The following BMP2K variants were observed in gnomAD, a reference collection of about 807,000 sequenced individuals.
BMP2K encodes the protein BMP-2-inducible protein kinase.
A neutral mutation model predicts 116.0 loss-of-function variants in BMP2K; 74 were observed. That is an observed-to-expected ratio of 0.64 (90% CI 0.53 to 0.77). The LOEUF is 0.77. Ranked by LOEUF, BMP2K falls within the 30% of genes least tolerant of loss-of-function variation. BMP2K has a pLI of 0.00. For missense variants in BMP2K, 1,365 were observed against 1,403.6 expected (o/e 0.97, Z 0.44); for synonymous variants, 486 against 502.5 (o/e 0.97, Z 0.44).
At chr4:78,779,685 T>G (rs552984037) in intron 1 of BMP2K, among the ~76,000 whole-genome samples, 3 of 152,214 alleles carry the variant, frequency 2.0e-5, no homozygotes, top group Non-Finnish European at 2.9e-5. Context: ...CAACCTTTGT[T>G]ATAGGTAGAT....
chr4:78,804,093 C>T (rs887677039), intron 1 of BMP2K, among the ~76,000 whole-genome samples: 16 of 152,134 alleles, frequency 1.1e-4, no homozygotes, highest in African/African-American at 3.9e-4. Context: ...CAAAGAAACC[C>T]GGTAGTCATT....
At chr4:78,847,054 T>C (rs943103308) in intron 5 of BMP2K, 134 bp from the exon 6 acceptor site, 3 of 368,450 alleles carry the variant, frequency 8.1e-6, no homozygotes, top group African/African-American at 2.1e-5. Flanking sequence ...TTTTTAAAAA[T>C]AGTATTACTC....
intron 1 of BMP2K, among the ~76,000 whole-genome samples, chr4:78,785,897 A>G (rs1376766088): frequency 2.0e-5 from 3 of 152,150 alleles, no homozygotes; most frequent in Non-Finnish European, 4.4e-5. Flanking sequence ...AAATGGACTT[A>G]TGCTCATGTC....
intron 15 of BMP2K, among the ~76,000 whole-genome samples, chr4:78,907,091 T>C (rs900237366): frequency 6.6e-6 from 1 of 152,204 alleles, no homozygotes; most frequent in Non-Finnish European, 1.5e-5. Flanking sequence ...AGAAACAACC[T>C]AAATATTCTA....
intron 9 of BMP2K, among the ~76,000 whole-genome samples, chr4:78,862,739 CTTATT>C (rs1298547903): frequency 6.6e-6 from 1 of 152,030 alleles, no homozygotes; most frequent in Non-Finnish European, 1.5e-5. Flanking sequence ...TTGCGAATGA[CTTATT>C]TTAAAAAATG....
chr4:78,881,790 C>T (rs1453930316), intron 14 of BMP2K, among the ~76,000 whole-genome samples: 1 of 151,678 alleles, frequency 6.6e-6, no homozygotes, highest in Admixed American at 6.6e-5. Context: ...TTTTTGAATT[C>T]TGAAATAGTG....
At chr4:78,796,249 A>C (rs1277361911) in intron 1 of BMP2K, among the ~76,000 whole-genome samples, 1 of 152,054 alleles carries the variant, frequency 6.6e-6, no homozygotes, top group Admixed American at 6.6e-5. Context: ...ACATGGATGA[A>C]ATTGGAAATC....
At chr4:78,793,431 A>ATT (rs1490137767) in intron 1 of BMP2K, among the ~76,000 whole-genome samples, 1 of 150,782 alleles carries the variant, frequency 6.6e-6, no homozygotes, top group Non-Finnish European at 1.5e-5. Context: ...AAAAATTAAA[A>ATT]AAAAAGTTAT....
chr4:78,902,976 T>C lies in BMP2K; in HGVS notation c.2063-7634T>C, dbSNP rs149970605. On this transcript the variant is annotated intron_variant, in intron 15 of 15. Coordinates refer to ENST00000502613, the MANE Select transcript of BMP2K (RefSeq NM_198892.2). ...TGTTTAAAAAATGCTATAACAAATA[T>C]ATGAAAATGTAGCCTAAGAAATGTT... Among the ~76,000 whole-genome samples the C allele has an allele frequency of 5.7e-4, 87 of 152,238 alleles. 4 individuals are homozygous for C. In the East Asian group the frequency reaches 9.8e-3, roughly 17 times the overall value.
chr4:78,860,830 G>T (rs1731741253), intron 8 of BMP2K, among the ~76,000 whole-genome samples: 1 of 91,832 alleles, frequency 1.1e-5, no homozygotes, highest in South Asian at 3.2e-4. Context: ...TCTTTTCTCT[G>T]TTGAAGCTGA....
intron 1 of BMP2K, among the ~76,000 whole-genome samples, chr4:78,789,582 T>C (rs988944084): frequency 7.9e-5 from 12 of 152,210 alleles, no homozygotes; most frequent in Admixed American, 6.5e-5. Flanking sequence ...TCAAATATTT[T>C]TGCTTGAATT....
chr4:78,847,140 TTATA>T (rs146999088), intron 5 of BMP2K, 44 bp from the exon 6 acceptor site: 309 of 954,804 alleles, frequency 3.2e-4, no homozygotes, highest in South Asian at 8.5e-4. Flanking sequence ...TGTCTTTTTT[TTATA>T]TATATATATA....
rs868804590 is a variant in BMP2K at position 78,911,701 on chromosome 4, G to A, written c.3154G>A (p.Gly1052Arg). 3.7e-6 allele frequency: 6 copies of A among 1,613,772 alleles called. No individual in the cohort carries two copies. In the African/African-American group the frequency reaches 6.7e-5, roughly 18 times the overall value. The change falls in exon 16 of 16, where the codon GGG becomes AGG. Residue 1052 changes from glycine to arginine, a missense_variant. Physicochemically the swap from Gly to Arg is moderately radical, Grantham distance 125. This residue lies in a region of BMP2K where 596 missense variants were observed against 623.2 expected (regional missense o/e 0.96). Coordinates refer to ENST00000502613, the MANE Select transcript of BMP2K (RefSeq NM_198892.2). The part of the protein sequence containing the change: ...KENISVALTD[G>R]KDRGNVLQPE... The stretch of plus-strand genomic sequence containing the variant: ...GAACATTAGTGTTGCACTGACTGAT[G>A]GGAAAGATAGGGGGAATGTCTTACA...
chr4:78,825,844 C>T (rs1156631918), intron 1 of BMP2K, among the ~76,000 whole-genome samples, 193 bp from the exon 2 acceptor site: 3 of 152,194 alleles, frequency 2.0e-5, no homozygotes, highest in Non-Finnish European at 2.9e-5. Flanking sequence ...GCATATTTTC[C>T]TCTAAGTACT....
rs79197785 is a variant in BMP2K at position 78,853,083 on chromosome 4, T to C, written c.883+2027T>C. Among the ~76,000 whole-genome samples, 850 of 152,328 alleles carry C rather than the reference T, an allele frequency of 5.6e-3. 11 individuals are homozygous for C. Among genetic ancestry groups the C allele is most frequent in the African/African-American group, 0.019 (805 of 41,586 alleles). ...ATAGTTTTTGAATGTGAAGCTTTTGTCAATTGTGTATTCATGCAATGTAGT... is the reference window on the plus strand; with the variant it reads ...ATAGTTTTTGAATGTGAAGCTTTTGCCAATTGTGTATTCATGCAATGTAGT... On this transcript the variant is annotated intron_variant, in intron 7 of 15. Transcript: ENST00000502613.
chr4:78,854,512 A>T (rs540408205), intron 7 of BMP2K, among the ~76,000 whole-genome samples: 1 of 152,072 alleles, frequency 6.6e-6, no homozygotes, highest in Non-Finnish European at 1.5e-5. Context: ...GACCTCAGTG[A>T]TCTGCCTGCC....
rs1735050786 is a variant in BMP2K, at chr4:78,916,169, G to C, written c.*4136G>C. ...CTCCCCCTCCCACCCCTTTTCCCCT[G>C]CCATATCTAATTAAGCACTAACTGA... On this transcript the variant is annotated 3_prime_UTR_variant, in exon 16 of 16. Coordinates refer to ENST00000502613, the MANE Select transcript of BMP2K (RefSeq NM_198892.2). 6.6e-6 allele frequency: 1 copy of C among 151,630 alleles called. No individual in the cohort carries two copies. The highest frequency in any genetic ancestry group is 2.1e-4 in the South Asian group (1 of 4,810). The allele number at this position is 151,630 out of a possible 1,614,324, so 9.4% of individuals were successfully genotyped here. A position where few individuals can be genotyped will look rare whatever the true frequency, so the allele number is the denominator to read the frequency against.
intron 13 of BMP2K, among the ~76,000 whole-genome samples, chr4:78,876,103 T>C (rs1341776326): frequency 6.6e-6 from 1 of 152,192 alleles, no homozygotes; most frequent in Non-Finnish European, 1.5e-5. Context: ...GATAACCCTA[T>C]TGAGTTACAG....
Position 78,913,537 on chromosome 4 carries a change from T to C in BMP2K, c.*1504T>C, listed in dbSNP as rs983253778. 2 of 152,092 alleles carry C rather than the reference T, an allele frequency of 1.3e-5. No individual in the cohort carries two copies. The highest frequency in any genetic ancestry group is 2.9e-5 in the Non-Finnish European group (2 of 67,980). The allele number at this position is 152,092 out of a possible 1,614,324, so 9.4% of individuals were successfully genotyped here. On this transcript the variant is annotated 3_prime_UTR_variant, in exon 16 of 16. Transcript: ENST00000502613. ...AGTTAATGCTATTTACAGAAAGGAGTAGAAACTCATCAACTGGCACTCTCT... is the reference window on the plus strand; with the variant it reads ...AGTTAATGCTATTTACAGAAAGGAGCAGAAACTCATCAACTGGCACTCTCT...
Sources: allele counts gnomAD v4.1 joint callset (sites outside exome capture counted in the v4.1 genomes callset), GRCh38; gene constraint gnomAD v4.1.1; regional missense constraint gnomAD v4.1.1; transcripts MANE v1.5; gene names NCBI Gene and HGNC (gene_info 2026-07-23, HGNC 2026-07-21).